ERC2: variants seen among roughly 807,000 people sequenced by gnomAD.
The protein encoded by ERC2 is ELKS/RAB6-interacting/CAST family member 2.
A neutral mutation model predicts 114.8 loss-of-function variants in ERC2; 42 were observed. The ratio of observed to expected loss-of-function variants is 0.37; its 90% CI spans 0.29 to 0.47. The LOEUF is 0.47. Ranked by LOEUF, ERC2 falls within the 20% of genes least tolerant of loss-of-function variation. The pLI, the probability that ERC2 is intolerant of heterozygous loss-of-function variation, is 0.99. For synonymous variants in ERC2, 454 were observed against 425.5 expected (o/e 1.07, Z -0.82); for missense variants, 939 against 1,150.7 (o/e 0.82, Z 2.66).
In ERC2 at chr3:56,159,114, T is replaced by C. The variant is rs146644736; in HGVS notation, c.1150-9982A>G. Among the ~76,000 whole-genome samples, 315 of 152,224 alleles carry C rather than the reference T, an allele frequency of 2.1e-3. 1 individual carries two copies. Among genetic ancestry groups the C allele is most frequent in the African/African-American group, 7.3e-3 (302 of 41,546 alleles). ...CCCCCACCCCACCTGTTTTGTGCTT[T>C]TACTCTGGCCATCTGACTGTGACTC... On this transcript the variant is annotated intron_variant, in intron 4 of 17. Transcript: ENST00000288221.
At chr3:56,093,121 G>T (rs532765837) in intron 6 of ERC2, among the ~76,000 whole-genome samples, 1 of 152,274 alleles carries the variant, frequency 6.6e-6, no homozygotes, top group East Asian at 1.9e-4. Context: ...TTTTAGAGTC[G>T]TGTCTCTCAA....
intron 8 of ERC2, among the ~76,000 whole-genome samples, chr3:56,018,126 G>A (rs189802545): frequency 5.3e-4 from 81 of 152,248 alleles, no homozygotes; most frequent in Non-Finnish European, 1.0e-3. Context: ...AATAATAATA[G>A]TGATAACATT....
At chr3:55,845,767 G>C (rs77362984) in intron 14 of ERC2, among the ~76,000 whole-genome samples, 1 of 152,230 alleles carries the variant, frequency 6.6e-6, no homozygotes, top group Non-Finnish European at 1.5e-5. Context: ...CTACTTGCCT[G>C]TAAAGGCAAG....
rs184673187 is a variant in ERC2, at chr3:56,172,464, G to A, written c.1149+982C>T. Among the ~76,000 whole-genome samples the A allele has an allele frequency of 3.2e-4, 49 of 152,234 alleles. No individual in the cohort carries two copies. In the East Asian group the frequency reaches 6.8e-3, roughly 21 times the overall value. On this transcript the variant is annotated intron_variant, in intron 4 of 17. Coordinates refer to ENST00000288221, the MANE Select transcript of ERC2 (RefSeq NM_015576.3). Reference sequence around the variant, plus strand: ...ATTAGTTTCTTTTCCCTCAAAATTTGGGAATTTGGGGGCAGATAATTCAAA... The same window carrying A: ...ATTAGTTTCTTTTCCCTCAAAATTTAGGAATTTGGGGGCAGATAATTCAAA...
At chr3:56,185,463 C>A (rs912959506) in intron 3 of ERC2, among the ~76,000 whole-genome samples, 3 of 152,146 alleles carry the variant, frequency 2.0e-5, no homozygotes, top group African/African-American at 7.2e-5. Flanking sequence ...ATTGTGTCCC[C>A]AGGAGTGGTA....
In ERC2 at chr3:56,338,915, G is replaced by A. The variant is rs117653830; in HGVS notation, c.658-42480C>T. On this transcript the variant is annotated intron_variant, in intron 2 of 17. Transcript: ENST00000288221. ...TGAACAAAATAAAGCTGACAGAAGA[G>A]GGCAAAAGGGCTGAGAGTTGGACAG... is the stretch of plus-strand genomic sequence containing the variant. Among the ~76,000 whole-genome samples the A allele has an allele frequency of 5.7e-3, 874 of 152,286 alleles. 25 individuals are homozygous for A. The East Asian group carries it at 0.07, about 12-fold the overall frequency.
chr3:56,199,381 A>T (rs568357475), intron 3 of ERC2, among the ~76,000 whole-genome samples: 1 of 152,240 alleles, frequency 6.6e-6, no homozygotes, highest in East Asian at 1.9e-4. Context: ...AAAAACTGAC[A>T]GGTAAGTGTT....
chr3:55,609,479 C>T (rs1216464423), intron 17 of ERC2, among the ~76,000 whole-genome samples: 1 of 152,156 alleles, frequency 6.6e-6, no homozygotes, highest in Non-Finnish European at 1.5e-5. Context: ...GTTAAGCAGC[C>T]ATCATGCTCC....
chr3:55,599,516 ATG>A (rs1182052525), intron 17 of ERC2, among the ~76,000 whole-genome samples: 5 of 152,194 alleles, frequency 3.3e-5, no homozygotes, highest in African/African-American at 1.2e-4. Context: ...ATGGTTCATT[ATG>A]TGTGTGTGTT....
chr3:55,662,968 C>T (rs1227531942), intron 17 of ERC2, among the ~76,000 whole-genome samples: 6 of 152,016 alleles, frequency 3.9e-5, no homozygotes, highest in South Asian at 2.1e-4. Flanking sequence ...CCACAGACCT[C>T]GCACATAGAA....
intron 16 of ERC2, among the ~76,000 whole-genome samples, chr3:55,685,685 C>G (rs555427829): frequency 6.6e-6 from 1 of 152,058 alleles, no homozygotes; most frequent in Non-Finnish European, 1.5e-5. Context: ...GAGGCCCTAG[C>G]TTTCATCATA....
At chr3:56,467,020 G>A (rs1275674457) in intron 1 of ERC2, 1 of 152,220 alleles carries the variant, frequency 6.6e-6, no homozygotes, top group Non-Finnish European at 1.5e-5. Context: ...AATCAGGGGG[G>A]TGGTGGGTAA....
intron 6 of ERC2, among the ~76,000 whole-genome samples, chr3:56,114,291 C>T (rs953267218): frequency 6.6e-6 from 1 of 152,148 alleles, no homozygotes; most frequent in African/African-American, 2.4e-5. Flanking sequence ...TATGAGTAGC[C>T]TCTATAAACC....
At chr3:55,534,602 G>T (rs1293291626) in intron 17 of ERC2, among the ~76,000 whole-genome samples, 1 of 152,014 alleles carries the variant, frequency 6.6e-6, no homozygotes, top group Non-Finnish European at 1.5e-5. Flanking sequence ...AGGCTGAGGT[G>T]GGAGGATCAA....
At chr3:55,895,901 T>C (rs1482285837) in intron 13 of ERC2, among the ~76,000 whole-genome samples, 1 of 152,212 alleles carries the variant, frequency 6.6e-6, no homozygotes, top group Admixed American at 6.5e-5. Context: ...TTCTCTTTGC[T>C]ATGGGGATGA....
At chr3:56,023,222 C>T (rs891003134) in intron 7 of ERC2, among the ~76,000 whole-genome samples, 1 of 152,166 alleles carries the variant, frequency 6.6e-6, no homozygotes, top group African/African-American at 2.4e-5. Flanking sequence ...ATGCTGCAGT[C>T]AAAGGTAACC....
chr3:56,438,142 T>C (rs967526558), intron 1 of ERC2, among the ~76,000 whole-genome samples: 1 of 152,194 alleles, frequency 6.6e-6, no homozygotes, highest in Admixed American at 6.5e-5. Flanking sequence ...CTTGAGAAAG[T>C]TGCATTTGTC....
intron 2 of ERC2, among the ~76,000 whole-genome samples, chr3:56,369,579 G>A (rs1024083206): frequency 3.0e-4 from 45 of 152,182 alleles, no homozygotes; most frequent in African/African-American, 1.0e-3. Context: ...TTAGAGATTC[G>A]AAGATGTAAC....
intron 17 of ERC2, among the ~76,000 whole-genome samples, chr3:55,524,323 C>G (rs1368742763): frequency 6.6e-6 from 1 of 152,090 alleles, no homozygotes; most frequent in African/African-American, 2.4e-5. Context: ...AAAGAGAGAA[C>G]ACATCACTGG....
Sources: allele counts gnomAD v4.1 joint callset (sites outside exome capture counted in the v4.1 genomes callset), GRCh38; gene constraint gnomAD v4.1.1; transcripts MANE v1.5; gene names NCBI Gene and HGNC (gene_info 2026-07-23, HGNC 2026-07-21).